Variants in TPTE observed in about 807,000 individuals in gnomAD.
TPTE encodes putative tyrosine-protein phosphatase TPTE.
In TPTE, 59 loss-of-function variants were observed where a neutral mutation model predicts 84.1. That is an observed-to-expected ratio of 0.70 (90% CI 0.57 to 0.87). TPTE has a LOEUF of 0.87. Among genes scored for constraint, TPTE ranks in the 40% least tolerant of loss-of-function variants. The pLI is 0.00. For synonymous variants in TPTE, 130 were observed against 223.5 expected (o/e 0.58, Z 3.73); for missense variants, 382 against 659.6 (o/e 0.58, Z 4.61).
Position 10,590,518 on chromosome 21 carries a change from G to A in TPTE, c.1084G>A (p.Ala362Thr), listed in dbSNP as rs144150406. The part of the protein sequence containing the change: ...FLIASEICST[A>T]KESLYYFGER... ...TATTGCCTCTGAAATATGTTCAACT[G>A]CAAAGGTATGAAAGATGTTCTACAA... Residue 362 changes from alanine (A) to threonine (T), a missense_variant, in exon 18 of 24, where the codon GCA becomes ACA. By Grantham distance (58) the Ala-to-Thr change is moderately conservative. Coordinates refer to ENST00000618007, the MANE Select transcript of TPTE (RefSeq NM_199261.4). 2,351 of 1,602,376 alleles carry A rather than the reference G, an allele frequency of 1.5e-3. No homozygotes were observed. Among genetic ancestry groups the A allele is most frequent in the Admixed American group, 0.014 (782 of 55,972 alleles).
At chr21:10,600,840 T>A (rs1568791498) in intron 21 of TPTE, among the ~76,000 whole-genome samples, 1 of 152,310 alleles carries the variant, frequency 6.6e-6, no homozygotes, top group Admixed American at 6.5e-5. Flanking sequence ...ACTTGAGCTA[T>A]CTTTGGTTAC....
intron 3 of TPTE, among the ~76,000 whole-genome samples, chr21:10,537,287 G>A (rs1159034234): frequency 1.3e-5 from 2 of 152,306 alleles, no homozygotes; most frequent in Non-Finnish European, 2.9e-5. Context: ...TCATATTGGT[G>A]TTGGACGATA....
chr21:10,541,117 A>T lies in TPTE; in HGVS notation c.17A>T (p.Asp6Val), dbSNP rs2074361249. The part of the protein sequence containing the change: MNESP[D>V]PTDLAGVIIE... ...TGACCATATTTGTCCTTTAGTCCTG[A>T]TCCGACTGACCTGGCGGGAGTCATC... Residue 6 changes from aspartate to valine, a missense_variant, in exon 5 of 24, where the codon GAT (aspartate) becomes GTT (valine). Physicochemically the swap from Asp to Val is radical, Grantham distance 152. This residue lies in a region of TPTE where 63 missense variants were observed against 49.5 expected (regional missense o/e 1.27). Coordinates refer to ENST00000618007, the MANE Select transcript of TPTE (RefSeq NM_199261.4). 5.0e-6 allele frequency: 8 copies of T among 1,613,102 alleles called. No individual in the cohort carries two copies. Among genetic ancestry groups the T allele is most frequent in the Non-Finnish European group, 6.8e-6 (8 of 1,179,246 alleles).
At chr21:10,584,068 G>C in intron 17 of TPTE, among the ~76,000 whole-genome samples, 1 of 152,306 alleles carries the variant, frequency 6.6e-6, no homozygotes, top group Non-Finnish European at 1.5e-5. Context: ...AGACTGGGGA[G>C]AATTGAATCT....
intron 20 of TPTE, among the ~76,000 whole-genome samples, chr21:10,597,508 G>A (rs1260199477): frequency 9.2e-5 from 14 of 152,120 alleles, no homozygotes; most frequent in Admixed American, 2.0e-4. Context: ...TCTGCCTGCC[G>A]GGTTCAAGCA....
intron 8 of TPTE, among the ~76,000 whole-genome samples, chr21:10,553,091 A>G (rs369289261): frequency 5.6e-4 from 86 of 152,378 alleles, no homozygotes; most frequent in African/African-American, 1.9e-3. Context: ...CATTTTGCCT[A>G]TGAGCAAATA....
At chr21:10,559,307 T>C (rs1482494039) in intron 8 of TPTE, among the ~76,000 whole-genome samples, 187 bp from the exon 9 acceptor site, 1 of 152,310 alleles carries the variant, frequency 6.6e-6, no homozygotes, top group East Asian at 1.9e-4. Flanking sequence ...GATAGCATAG[T>C]AAACAAGTAA....
chr21:10,576,064 C>A (rs1307439767), intron 14 of TPTE, among the ~76,000 whole-genome samples: 1 of 152,308 alleles, frequency 6.6e-6, no homozygotes, highest in Non-Finnish European at 1.5e-5. Context: ...ACCCAGCAAT[C>A]CCATTATGGG....
intron 23 of TPTE, 83 bp from the exon 24 acceptor site, chr21:10,605,334 T>C: frequency 6.6e-7 from 1 of 1,519,742 alleles, no homozygotes; most frequent in African/African-American, 1.4e-5. Flanking sequence ...TTTTTGTTTC[T>C]TCCAGCTCTA....
intron 7 of TPTE, among the ~76,000 whole-genome samples, chr21:10,549,849 A>T (rs2074540540): frequency 6.6e-6 from 1 of 152,284 alleles, no homozygotes. Flanking sequence ...AGAACCCCAA[A>T]TACATTCAAC....
At chr21:10,564,010 A>T (rs210529) in intron 10 of TPTE, among the ~76,000 whole-genome samples, 13,723 of 146,694 alleles carry the variant, frequency 0.094, 4 homozygotes, top group African/African-American at 0.23. Context: ...AAAAATTAGC[A>T]GGGTGTGGTG....
At chr21:10,523,155 C>T (rs2074013933) in intron 1 of TPTE, among the ~76,000 whole-genome samples, 1 of 152,310 alleles carries the variant, frequency 6.6e-6, no homozygotes. Context: ...TAATAATCCT[C>T]TCCATTACAT....
chr21:10,568,603 G>A (rs1352586560), intron 11 of TPTE, among the ~76,000 whole-genome samples: 1 of 152,418 alleles, frequency 6.6e-6, no homozygotes, highest in Admixed American at 6.5e-5. Flanking sequence ...TACAGCTCAG[G>A]CCCCAACTAA....
At chr21:10,537,831 T>C (rs371135027) in intron 3 of TPTE, among the ~76,000 whole-genome samples, 4 of 152,306 alleles carry the variant, frequency 2.6e-5, no homozygotes, top group South Asian at 2.1e-4. Context: ...CAGAGAAATA[T>C]AAAGGTTGAG....
At chr21:10,565,577 G>A (rs1461523939) in intron 10 of TPTE, among the ~76,000 whole-genome samples, 2 of 152,302 alleles carry the variant, frequency 1.3e-5, no homozygotes, top group Non-Finnish European at 2.9e-5. Context: ...GAACAAAGCT[G>A]GAGGAATCAC....
chr21:10,573,592 T>A (rs1282533516), intron 14 of TPTE, among the ~76,000 whole-genome samples: 1 of 152,306 alleles, frequency 6.6e-6, no homozygotes, highest in Non-Finnish European at 1.5e-5. Context: ...ACACAAAGAA[T>A]GATAAATATT....
At chr21:10,580,855 T>A (rs1451246833) in intron 17 of TPTE, among the ~76,000 whole-genome samples, 3 of 152,308 alleles carry the variant, frequency 2.0e-5, no homozygotes, top group African/African-American at 7.2e-5. Flanking sequence ...ATTGGTGGGG[T>A]GAAAATGGGG....
intron 14 of TPTE, 25 bp downstream of exon 14, chr21:10,570,574 C>A (rs751211221): frequency 6.2e-7 from 1 of 1,613,918 alleles, no homozygotes. Flanking sequence ...CTGACAAATA[C>A]TCATTTCTTA....
At chr21:10,572,195 A>AC (rs2075057746) in intron 14 of TPTE, among the ~76,000 whole-genome samples, 1 of 152,302 alleles carries the variant, frequency 6.6e-6, no homozygotes, top group Non-Finnish European at 1.5e-5. Context: ...CACACCTGTA[A>AC]TCCCAGCACT....
Sources: allele counts gnomAD v4.1 joint callset (sites outside exome capture counted in the v4.1 genomes callset), GRCh38; gene constraint gnomAD v4.1.1; regional missense constraint gnomAD v4.1.1; transcripts MANE v1.5; gene names NCBI Gene and HGNC (gene_info 2026-07-23, HGNC 2026-07-21).